Variants in SNAP91 observed in about 807,000 individuals in gnomAD.
The protein encoded by SNAP91 is clathrin coat assembly protein AP180.
Under a neutral mutation model 100.3 loss-of-function variants are expected in SNAP91, and 27 were observed. The observed-to-expected ratio is 0.27, with a 90% CI of 0.20 to 0.37. The LOEUF is 0.37. Ranked by LOEUF, SNAP91 falls within the 10% of genes least tolerant of loss-of-function variation. The probability of loss-of-function intolerance (pLI) is 1.00; values close to 1 mark genes in which losing one functional copy is unlikely to be tolerated. For missense variants in SNAP91, 986 were observed against 1,123.7 expected (o/e 0.88, Z 1.75); for synonymous variants, 404 against 398.6 (o/e 1.01, Z -0.16).
intron 2 of SNAP91, among the ~76,000 whole-genome samples, chr6:83,704,097 C>T (rs2129061610): frequency 6.6e-6 from 1 of 151,138 alleles, no homozygotes; most frequent in East Asian, 2.0e-4. Flanking sequence ...TTGACTTGGG[C>T]TATCCCTTAG....
In SNAP91 at chr6:83,610,819, T is replaced by C. The variant is rs2096005068; in HGVS notation, c.885-142A>G. 2.3e-5 allele frequency: 5 copies of C among 212,812 alleles called. 1 individual carries two copies. The East Asian group carries it at 5.4e-4, about 23-fold the overall frequency. The allele number at this position is 212,812 out of a possible 1,614,324, so 13.2% of individuals were successfully genotyped here. On this transcript the variant is annotated intron_variant, in intron 11 of 29. Transcript: ENST00000369694. ...CTTGGTCAAGCACTAACTTGTTTTATATACAGACTTTTAAAATAATGGACA... is the reference window on the plus strand; with the variant it reads ...CTTGGTCAAGCACTAACTTGTTTTACATACAGACTTTTAAAATAATGGACA...
chr6:83,595,670 G>C lies in SNAP91; in HGVS notation c.1325-1189C>G, dbSNP rs373705735. Among the ~76,000 whole-genome samples the C allele has an allele frequency of 1.4e-4, 22 of 152,116 alleles. No homozygotes were observed. In the East Asian group the frequency reaches 3.5e-3, roughly 24 times the overall value. On this transcript the variant is annotated intron_variant, in intron 16 of 29. Transcript: ENST00000369694. Reference sequence around the variant, plus strand: ...TTTCCATCCCCAAATACTGTCTTCCGCAATATCTACTCATGTTTCCTGGAA... The same window carrying C: ...TTTCCATCCCCAAATACTGTCTTCCCCAATATCTACTCATGTTTCCTGGAA...
At chr6:83,661,379 T>C in intron 5 of SNAP91, 123 bp downstream of exon 5, 1 of 562,546 alleles carries the variant, frequency 1.8e-6, no homozygotes, top group Non-Finnish European at 3.1e-6. Context: ...AGTTCCTTTT[T>C]TTAGGTTATT....
At chr6:83,642,143 G>T (rs2097730277) in intron 7 of SNAP91, among the ~76,000 whole-genome samples, 1 of 144,506 alleles carries the variant, frequency 6.9e-6, no homozygotes, top group African/African-American at 2.6e-5. Flanking sequence ...TTTTATATTT[G>T]CACATGGTTT....
At chr6:83,600,638 T>C (rs1315677515) in intron 16 of SNAP91, among the ~76,000 whole-genome samples, 1 of 152,176 alleles carries the variant, frequency 6.6e-6, no homozygotes, top group African/African-American at 2.4e-5. Context: ...TTTTAGACAA[T>C]CATTTCAAAG....
intron 19 of SNAP91, 28 bp downstream of exon 19, chr6:83,593,154 T>TG (rs2094013235): frequency 1.3e-6 from 2 of 1,554,720 alleles, no homozygotes; most frequent in Middle Eastern, 3.4e-4. Flanking sequence ...GAAACTAAAG[T>TG]GAAAAAAAAG....
At chr6:83,613,734 C>A (rs1453918544) in intron 11 of SNAP91, among the ~76,000 whole-genome samples, 1 of 152,234 alleles carries the variant, frequency 6.6e-6, no homozygotes, top group Non-Finnish European at 1.5e-5. Flanking sequence ...TCTTACACAA[C>A]ATATAAATTG....
At chr6:83,576,932 CAG>C (rs1369458286) in intron 24 of SNAP91, among the ~76,000 whole-genome samples, 23 of 152,286 alleles carry the variant, frequency 1.5e-4, no homozygotes, top group Admixed American at 1.4e-3. Context: ...AGAAAACAGT[CAG>C]AGAGTCCTAT....
intron 2 of SNAP91, chr6:83,678,880 T>C (rs1453027571): frequency 1.6e-5 from 19 of 1,212,210 alleles, no homozygotes; most frequent in Non-Finnish European, 2.0e-5. Context: ...ACAACTTTAG[T>C]TCTCAGTACA....
chr6:83,567,383 C>T (rs931449963), intron 26 of SNAP91, among the ~76,000 whole-genome samples: 8 of 152,100 alleles, frequency 5.3e-5, no homozygotes, highest in Admixed American at 1.3e-4. Context: ...AAATGTTAGA[C>T]CGAAAACCAT....
At chr6:83,563,199 T>A (rs1791018702) in intron 26 of SNAP91, among the ~76,000 whole-genome samples, 1 of 152,174 alleles carries the variant, frequency 6.6e-6, no homozygotes, top group South Asian at 2.1e-4. Flanking sequence ...GCAACCCGCT[T>A]TTGAGGCCTG....
intron 3 of SNAP91, among the ~76,000 whole-genome samples, chr6:83,665,217 G>T (rs1210158181): frequency 6.6e-6 from 1 of 151,874 alleles, no homozygotes; most frequent in Non-Finnish European, 1.5e-5. Flanking sequence ...TCTCTGAGGT[G>T]TACCTATTCC....
chr6:83,664,085 G>A (rs555449387), intron 3 of SNAP91, among the ~76,000 whole-genome samples: 1 of 152,130 alleles, frequency 6.6e-6, no homozygotes, highest in African/African-American at 2.4e-5. Context: ...GCCCACTGTT[G>A]AGACTTACTG....
At chr6:83,658,771 T>C (rs1057224540) in intron 6 of SNAP91, among the ~76,000 whole-genome samples, 3 of 152,222 alleles carry the variant, frequency 2.0e-5, no homozygotes, top group African/African-American at 7.2e-5. Context: ...GTTCCAAGAA[T>C]GTACCATTCA....
Position 83,576,015 on chromosome 6 carries a change from A to G in SNAP91, c.2330+8T>C. On this transcript the variant is annotated splice_region_variant and intron_variant, in intron 25 of 29. Transcript: ENST00000369694. ...CAAAAGGAAATCACATAATTTCCAA[A>G]CACTTACTTTTTTGTTGTGGTACCA... The G allele has an allele frequency of 7.1e-7, 1 of 1,404,710 alleles. No homozygotes were observed. The highest frequency in any genetic ancestry group is 9.7e-7 in the Non-Finnish European group (1 of 1,030,872). 87.0% of individuals were successfully genotyped at this position (1,404,710 alleles called of 1,614,324 possible).
intron 5 of SNAP91, among the ~76,000 whole-genome samples, chr6:83,660,517 A>G (rs1242233758): frequency 6.6e-6 from 1 of 151,804 alleles, no homozygotes; most frequent in Non-Finnish European, 1.5e-5. Flanking sequence ...AACAGATATA[A>G]GATATGCACA....
chr6:83,558,838 G>A (rs1203910222), intron 28 of SNAP91, among the ~76,000 whole-genome samples: 1 of 152,146 alleles, frequency 6.6e-6, no homozygotes, highest in Non-Finnish European at 1.5e-5. Flanking sequence ...AATTTCTCAT[G>A]ATGAAAACTT....
chr6:83,675,999 C>G (rs1007652812), intron 2 of SNAP91, among the ~76,000 whole-genome samples: 2 of 151,670 alleles, frequency 1.3e-5, no homozygotes, highest in Non-Finnish European at 2.9e-5. Flanking sequence ...AAAGTCCTAG[C>G]TGCTGGGAGG....
chr6:83,679,663 T>C (rs1003131450), intron 2 of SNAP91, among the ~76,000 whole-genome samples: 32 of 152,120 alleles, frequency 2.1e-4, no homozygotes, highest in Admixed American at 8.5e-4. Context: ...CCACTATAGC[T>C]TGGGGTCGCG....
Sources: gnomAD v4.1 joint callset for allele counts (sites outside exome capture counted in the v4.1 genomes callset) on GRCh38, gnomAD v4.1.1 for gene constraint, MANE v1.5 for transcripts, NCBI Gene and HGNC (gene_info 2026-07-23, HGNC 2026-07-21) for gene names.